INTU: variants seen among roughly 807,000 people sequenced by gnomAD.
INTU encodes the protein protein inturned.
A neutral mutation model predicts 100.5 loss-of-function variants in INTU; 68 were observed. The observed-to-expected ratio is 0.68, with a 90% CI of 0.56 to 0.83. INTU has a LOEUF of 0.83. INTU is among the 40% of genes least tolerant of loss of function. The pLI is 0.00. For missense variants in INTU, 1,071 were observed against 1,114.7 expected, an observed-to-expected ratio of 0.96 and a Z score of 0.56; for synonymous variants, 357 against 395.7, an observed-to-expected ratio of 0.90 and a Z score of 1.16.
At chr4:127,706,381 T>C in intron 11 of INTU, 106 bp from the exon 12 acceptor site, 1 of 890,624 alleles carries the variant, frequency 1.1e-6, no homozygotes, top group Non-Finnish European at 1.7e-6. Context: ...CACATGATTA[T>C]GCCATAGGCC....
At chr4:127,653,412 G>A (rs1471003084) in intron 2 of INTU, among the ~76,000 whole-genome samples, 7 of 143,792 alleles carry the variant, frequency 4.9e-5, no homozygotes, top group Admixed American at 7.0e-5. Context: ...AGAGATTCTG[G>A]TATGTTGTGT....
At position 127,657,890 on chromosome 4, in the gene INTU, C is replaced by T. The variant is rs559893503; in HGVS notation, c.768+1169C>T. 2.0e-5 allele frequency among the ~76,000 whole-genome samples: 3 copies of T among 152,054 alleles called. No homozygotes were observed. In the East Asian group the frequency reaches 5.8e-4, roughly 29 times the overall value. ...TAAAGTGCACAATAAATGTAATGTG[C>T]TTGAATCATCCTGAAACCGTCCCCC... On this transcript the variant is annotated intron_variant, in intron 3 of 15. Coordinates refer to ENST00000335251, the MANE Select transcript of INTU (RefSeq NM_015693.4).
intron 2 of INTU, among the ~76,000 whole-genome samples, chr4:127,651,753 A>T (rs1727892062): frequency 6.6e-6 from 1 of 151,122 alleles, no homozygotes; most frequent in Admixed American, 6.6e-5. Flanking sequence ...CAATTCTGTG[A>T]AGAAAGTCAT....
chr4:127,721,490 A>G lies in INTU; in HGVS notation c.*5054A>G, dbSNP rs1731344721. The G allele has an allele frequency of 6.6e-6, 1 of 151,972 alleles. No individual in the cohort carries two copies. The allele number at this position is 151,972 out of a possible 1,614,324, so 9.4% of individuals were successfully genotyped here. A position where few individuals can be genotyped will look rare whatever the true frequency, so the allele number is the denominator to read the frequency against. ...GGAGTATTGTATTGGGGTTCTCTGG[A>G]TTTCCTGAATTTGAATGTTGGCCTG... On this transcript the variant is annotated 3_prime_UTR_variant, in exon 16 of 16. Coordinates refer to ENST00000335251, the MANE Select transcript of INTU (RefSeq NM_015693.4).
chr4:127,644,540 AT>A (rs1161089177), intron 2 of INTU, among the ~76,000 whole-genome samples: 1 of 152,200 alleles, frequency 6.6e-6, no homozygotes, highest in East Asian at 1.9e-4. Flanking sequence ...CAGTGGTGTT[AT>A]ATATAAATTT....
At chr4:127,669,904 T>G (rs1298983853) in intron 5 of INTU, among the ~76,000 whole-genome samples, 1 of 151,858 alleles carries the variant, frequency 6.6e-6, no homozygotes, top group Non-Finnish European at 1.5e-5. Flanking sequence ...AGGCAAATAA[T>G]TCATGACTAA....
intron 8 of INTU, among the ~76,000 whole-genome samples, chr4:127,698,767 T>C (rs1349913125): frequency 6.6e-6 from 1 of 152,178 alleles, no homozygotes; most frequent in Non-Finnish European, 1.5e-5. Flanking sequence ...TATATATTAA[T>C]CTTGTATACT....
intron 8 of INTU, among the ~76,000 whole-genome samples, chr4:127,691,126 T>C (rs1010177110): frequency 6.6e-5 from 10 of 152,186 alleles, no homozygotes; most frequent in Non-Finnish European, 1.3e-4. Context: ...CTTTTCAGAT[T>C]GGCTTCTTTC....
At chr4:127,651,602 T>C (rs1435100391) in intron 2 of INTU, among the ~76,000 whole-genome samples, 1 of 152,220 alleles carries the variant, frequency 6.6e-6, no homozygotes, top group Non-Finnish European at 1.5e-5. Context: ...ACCAGTACCA[T>C]GCTGTTTTGG....
Position 127,640,592 on chromosome 4 carries a change from CAT to C in INTU, c.147-2925_147-2924del, listed in dbSNP as rs10549007. On this transcript the variant is annotated intron_variant, in intron 1 of 15. Transcript: ENST00000335251. ...ATATATATATATATATATATATATA[CAT>C]ATACATAAACACACATGTGTATATT... Among the ~76,000 whole-genome samples the C allele has an allele frequency of 1.8e-3, 131 of 71,906 alleles. 9 individuals are homozygous for C. Among genetic ancestry groups the C allele is most frequent in the South Asian group, 0.017 (40 of 2,410 alleles). 47.2% of individuals were successfully genotyped at this position (71,906 alleles called of 152,430 possible).
chr4:127,687,001 T>C (rs2126230971), intron 7 of INTU: 1 of 152,322 alleles, frequency 6.6e-6, no homozygotes, highest in South Asian at 2.1e-4. Context: ...AGTATTTCGG[T>C]TTTTTCTGTC....
At chr4:127,652,373 T>C (rs1482910684) in intron 2 of INTU, among the ~76,000 whole-genome samples, 1 of 150,494 alleles carries the variant, frequency 6.6e-6, no homozygotes, top group Non-Finnish European at 1.5e-5. Flanking sequence ...TAGATAGCTC[T>C]TATTATTTTG....
rs1252292118 is a variant in INTU, at chr4:127,720,462, T to C, written c.*4026T>C. 3 of 152,164 alleles carry C rather than the reference T, an allele frequency of 2.0e-5. No homozygotes were observed. Among genetic ancestry groups the C allele is most frequent in the Admixed American group, 6.5e-5 (1 of 15,278 alleles). The allele number at this position is 152,164 out of a possible 1,614,324, so 9.4% of individuals were successfully genotyped here. ...TGAGAAGAATATATATTCTGTTGTT[T>C]GGGGGTGGAAAGATGTCTAGATATT... On this transcript the variant is annotated 3_prime_UTR_variant, in exon 16 of 16. Transcript: ENST00000335251.
chr4:127,684,637 C>T (rs932695504), intron 7 of INTU, 151 bp downstream of exon 7: 23 of 530,662 alleles, frequency 4.3e-5, no homozygotes, highest in African/African-American at 3.8e-4. Context: ...TCCTCTTCCT[C>T]CTCCTCCTTC....
chr4:127,680,602 T>C (rs1729485973), intron 6 of INTU, among the ~76,000 whole-genome samples: 1 of 97,058 alleles, frequency 1.0e-5, no homozygotes, highest in Non-Finnish European at 2.2e-5. Context: ...ATGGGACGTA[T>C]CTCAAAATAA....
intron 6 of INTU, chr4:127,676,001 C>T (rs1190533491): frequency 1.0e-5 from 2 of 193,050 alleles, no homozygotes; most frequent in Admixed American, 5.4e-5. Flanking sequence ...ACCTATTTTA[C>T]CATCACAAAC....
intron 2 of INTU, among the ~76,000 whole-genome samples, chr4:127,650,906 T>C (rs1442739230): frequency 1.3e-5 from 2 of 152,196 alleles, no homozygotes; most frequent in African/African-American, 4.8e-5. Flanking sequence ...TTTTAATGAT[T>C]GCCATTCTAA....
At chr4:127,707,004 CTAAGT>C (rs758816674) in intron 12 of INTU, 35 bp downstream of exon 12, 3 of 1,570,896 alleles carry the variant, frequency 1.9e-6, no homozygotes, top group Non-Finnish European at 2.6e-6. Flanking sequence ...GTTCTGGGAG[CTAAGT>C]TGTCTCTCCA....
chr4:127,687,543 G>C, intron 7 of INTU, 135 bp from the exon 8 acceptor site: 6 of 663,454 alleles, frequency 9.0e-6, no homozygotes, highest in Non-Finnish European at 1.5e-5. Flanking sequence ...CATTCTAGCA[G>C]CAATTCTATT....
Sources: allele counts gnomAD v4.1 joint callset (sites outside exome capture counted in the v4.1 genomes callset), GRCh38; gene constraint gnomAD v4.1.1; transcripts MANE v1.5; gene names NCBI Gene and HGNC (gene_info 2026-07-23, HGNC 2026-07-21).